Variants in ZNF133 observed in about 807,000 individuals in gnomAD.
The protein encoded by ZNF133 is zinc finger protein 133 (clone pHZ-13).
Under a neutral mutation model 54.9 loss-of-function variants are expected in ZNF133, and 26 were observed. That is an observed-to-expected ratio of 0.47 (90% CI 0.35 to 0.66). ZNF133 has a LOEUF of 0.66. ZNF133 is among the 30% of genes least tolerant of loss of function. The pLI is 0.01. For missense variants in ZNF133, 653 were observed against 820.8 expected, an observed-to-expected ratio of 0.80 and a Z score of 2.50; for synonymous variants, 298 against 320.3, an observed-to-expected ratio of 0.93 and a Z score of 0.74.
At chr20:18,291,263 ATCCTTC>A (rs1413110978) in intron 1 of ZNF133, among the ~76,000 whole-genome samples, 1 of 152,142 alleles carries the variant, frequency 6.6e-6, no homozygotes, top group African/African-American at 2.4e-5. Flanking sequence ...CTGCGTTGCT[ATCCTTC>A]TGTTATGTTT....
rs2047552937 is a variant in ZNF133, at chr20:18,316,554, A to G, written c.1703A>G (p.His568Arg). The change falls in exon 7 of 7, where the codon CAC becomes CGC. Residue 568 changes from histidine to arginine, a missense_variant. By Grantham distance (29) the His-to-Arg change is conservative. Transcript: ENST00000425686. The part of the protein sequence containing the change: ...GFGNKSALIT[H>R]KRAHSEEKPC... ...GGCAATAAGTCAGCTCTAATTACAC[A>G]CAAGCGGGCTCACTCGGAAGAGAAG... 6.2e-7 allele frequency: 1 copy of G among 1,614,032 alleles called. No individual in the cohort carries two copies. The highest frequency in any genetic ancestry group is 1.3e-5 in the African/African-American group (1 of 74,934).
chr20:18,316,145 C>T lies in ZNF133; in HGVS notation c.1294C>T (p.His432Tyr). Residue 432 changes from histidine to tyrosine, a missense_variant, in exon 7 of 7, where the codon CAC becomes TAC. Around this residue, in one of 4 missense-constraint regions of ZNF133, gnomAD observed 292 missense variants for 431.6 expected, o/e 0.68. Transcript: ENST00000425686. ...NSTLISHRRT[H>Y]TGEKPYVCGV... is the part of the protein sequence containing the mutation. The stretch of plus-strand genomic sequence containing the variant: ...AACCCTCATCTCTCACAGGCGGACA[C>T]ACACTGGGGAGAAGCCGTATGTTTG... The T allele has an allele frequency of 6.2e-7, 1 of 1,612,536 alleles. No individual in the cohort carries two copies. Among genetic ancestry groups the T allele is most frequent in the South Asian group, 1.1e-5 (1 of 90,814 alleles).
At position 18,305,611 on chromosome 20, in the gene ZNF133, A is replaced by T; in HGVS notation, c.-6-70A>T. The T allele has an allele frequency of 6.2e-7, 1 of 1,610,818 alleles. No individual in the cohort carries two copies. Among genetic ancestry groups the T allele is most frequent in the Non-Finnish European group, 8.5e-7 (1 of 1,179,010 alleles). On this transcript the variant is annotated intron_variant, in intron 4 of 6. Transcript: ENST00000425686. This position sits in a 1 kb window ranked among gnomAD's most constrained non-coding sequence, Gnocchi z 4.7. Reference sequence around the variant, plus strand: ...CACCTGCCTCCCCCAGGGCAGCCTTATCCCTGCCCCTCACCCTGCCATGGG... The same window carrying T: ...CACCTGCCTCCCCCAGGGCAGCCTTTTCCCTGCCCCTCACCCTGCCATGGG...
In ZNF133 at chr20:18,302,049, A is replaced by G. The variant is rs1053755562; in HGVS notation, c.-177-2959A>G. The stretch of plus-strand genomic sequence containing the variant: ...TCAACAAGCGTTTGAAAAGAATTAT[A>G]CACCATGACCAAGTGGAATTTATTC... On this transcript the variant is annotated intron_variant, in intron 3 of 6. Transcript: ENST00000425686. 5.3e-5 allele frequency among the ~76,000 whole-genome samples: 8 copies of G among 152,226 alleles called. No individual in the cohort carries two copies. The East Asian group carries it at 1.5e-3, about 29-fold the overall frequency.
intron 1 of ZNF133, among the ~76,000 whole-genome samples, chr20:18,295,816 CA>C (rs1303659191): frequency 6.6e-6 from 1 of 151,970 alleles, no homozygotes; most frequent in Non-Finnish European, 1.5e-5. Context: ...GTGTATGCAC[CA>C]AATCTGGCTA....
chr20:18,314,615 T>C (rs17805694), intron 6 of ZNF133: 14,068 of 154,318 alleles, frequency 0.091, 696 homozygotes, highest in Middle Eastern at 0.17. Context: ...CTGTTCACTC[T>C]AAATAACTGC....
chr20:18,310,083 A>G (rs1463821969), intron 6 of ZNF133: 3 of 1,179,380 alleles, frequency 2.5e-6, no homozygotes, highest in African/African-American at 1.6e-5. Context: ...AAACATTTAT[A>G]TTAATAACAA....
rs1168726320 is a variant in ZNF133, at chr20:18,305,438, T to C, written c.-6-243T>C. 6.6e-6 allele frequency among the ~76,000 whole-genome samples: 1 copy of C among 152,206 alleles called. No homozygotes were observed. Among genetic ancestry groups the C allele is most frequent in the African/African-American group, 2.4e-5 (1 of 41,458 alleles). On this transcript the variant is annotated intron_variant, in intron 4 of 6. Coordinates refer to ENST00000425686, the MANE Select transcript of ZNF133 (RefSeq NM_001352452.2). The surrounding 1 kb of genome is among the most constrained non-coding windows in gnomAD (Gnocchi z 4.7). Reference sequence around the variant, plus strand: ...CTGCCTAGATTTAAAGTTCCCAAAATGTAGGGACTCCATTTTGTGCACATA... The same window carrying C: ...CTGCCTAGATTTAAAGTTCCCAAAACGTAGGGACTCCATTTTGTGCACATA...
chr20:18,311,480 T>C (rs1430423212), intron 6 of ZNF133, among the ~76,000 whole-genome samples: 1 of 152,244 alleles, frequency 6.6e-6, no homozygotes, highest in Non-Finnish European at 1.5e-5. Flanking sequence ...ACCAGTATTA[T>C]TGTCAAGTTT....
In ZNF133 at chr20:18,315,431, G is replaced by C. The variant is rs7272354; in HGVS notation, c.580G>C (p.Gly194Arg). Residue 194 changes from glycine to arginine, a missense_variant, in exon 7 of 7, where the codon GGG becomes CGG. By Grantham distance (125) the Gly-to-Arg change is moderately radical. This residue lies in a region of ZNF133 where 227 missense variants were observed against 233.9 expected (regional missense o/e 0.97). Transcript: ENST00000425686. ...VELEASPAQS[G>R]NPEETDKLLK... ...GTTAGAAGCCAGCCCAGCTCAGTCA[G>C]GGAACCCTGAGGAAACAGACAAATT... 1.9e-6 allele frequency: 3 copies of C among 1,614,188 alleles called. No individual in the cohort carries two copies. Among genetic ancestry groups the C allele is most frequent in the South Asian group, 2.2e-5 (2 of 91,078 alleles).
Position 18,316,063 on chromosome 20 carries a change from C to G in ZNF133, c.1212C>G (p.His404Gln). The change falls in exon 7 of 7, where the codon CAC becomes CAG. Residue 404 changes from histidine (H) to glutamine (Q), a missense_variant. His to Gln is a conservative substitution (Grantham distance 24). Coordinates refer to ENST00000425686, the MANE Select transcript of ZNF133 (RefSeq NM_001352452.2). ...CCCTTGTCAACCACCAGAGGACACA[C>G]TCAAAGGAGAAGCCCTATGTGTGCG... ...RTTLVNHQRT[H>Q]SKEKPYVCGV... The G allele has an allele frequency of 6.2e-7, 1 of 1,613,890 alleles. No homozygotes were observed. Among genetic ancestry groups the G allele is most frequent in the Non-Finnish European group, 8.5e-7 (1 of 1,179,910 alleles).
At chr20:18,293,906 A>C (rs939671334) in intron 1 of ZNF133, among the ~76,000 whole-genome samples, 10 of 152,244 alleles carry the variant, frequency 6.6e-5, no homozygotes, top group Admixed American at 2.6e-4. Flanking sequence ...ATTCTAATTA[A>C]TGGATTTAGA....
At chr20:18,311,441 A>G (rs1035103544) in intron 6 of ZNF133, among the ~76,000 whole-genome samples, 9 of 152,246 alleles carry the variant, frequency 5.9e-5, no homozygotes, top group Admixed American at 5.9e-4. Flanking sequence ...GAGGACAGAA[A>G]TACACCAAGT....
Position 18,316,934 on chromosome 20 carries a change from A to G in ZNF133, c.*118A>G. On this transcript the variant is annotated 3_prime_UTR_variant, in exon 7 of 7. Coordinates refer to ENST00000425686, the MANE Select transcript of ZNF133 (RefSeq NM_001352452.2). ...TTTGACTGTTTACTTTCTCCACACT[A>G]AGTCTTCTCCATGTTTTGTGGCCTT... The G allele has an allele frequency of 7.9e-7, 1 of 1,271,746 alleles. No individual in the cohort carries two copies. The highest frequency in any genetic ancestry group is 1.5e-5 in the South Asian group (1 of 65,132). 78.8% of individuals were successfully genotyped at this position (1,271,746 alleles called of 1,614,324 possible).
Position 18,316,781 on chromosome 20 carries a change from G to T in ZNF133, c.1930G>T (p.Ala644Ser). 1 of 1,613,676 alleles carries T rather than the reference G, an allele frequency of 6.2e-7. No homozygotes were observed. The highest frequency in any genetic ancestry group is 8.5e-7 in the Non-Finnish European group (1 of 1,179,786). The change falls in exon 7 of 7, where the codon GCA becomes TCA. Residue 644 changes from alanine to serine, a missense_variant. Coordinates refer to ENST00000425686, the MANE Select transcript of ZNF133 (RefSeq NM_001352452.2). ...AGTGCAGCCCGACCCTGAGCCGTGT[G>T]CAGGGCAACCTTCGGATTCCTTATA... ...LPVQPDPEPC[A>S]GQPSDSLYSL
At chr20:18,291,996 C>T (rs2041151143) in intron 1 of ZNF133, among the ~76,000 whole-genome samples, 1 of 152,200 alleles carries the variant, frequency 6.6e-6, no homozygotes, top group South Asian at 2.1e-4. Flanking sequence ...GGAGCAGAAG[C>T]ATTTCAGCTC....
rs11553398 is a variant in ZNF133 at position 18,316,830 on chromosome 20, G to C, written c.*14G>C. On this transcript the variant is annotated 3_prime_UTR_variant, in exon 7 of 7. Coordinates refer to ENST00000425686, the MANE Select transcript of ZNF133 (RefSeq NM_001352452.2). ...TACTCTCTCTGAAGGCAAAGATGGGGACAAGGACTAAGAGTCAGAATGTTG... is the reference window on the plus strand; with the variant it reads ...TACTCTCTCTGAAGGCAAAGATGGGCACAAGGACTAAGAGTCAGAATGTTG... 5 of 1,590,090 alleles carry C rather than the reference G, an allele frequency of 3.1e-6. No individual in the cohort carries two copies. The highest frequency in any genetic ancestry group is 4.3e-6 in the Non-Finnish European group (5 of 1,167,000).
intron 6 of ZNF133, among the ~76,000 whole-genome samples, chr20:18,312,131 T>C (rs73255819): frequency 0.026 from 3,897 of 152,332 alleles, 164 homozygotes; most frequent in African/African-American, 0.086. Context: ...CCTTGTACAC[T>C]TGGCCTGAAG....
intron 1 of ZNF133, among the ~76,000 whole-genome samples, chr20:18,297,691 A>G (rs925965710): frequency 1.3e-5 from 2 of 152,150 alleles, no homozygotes; most frequent in African/African-American, 4.8e-5. Context: ...CTGGCAGTGT[A>G]GCAAAGTACA....
Sources: allele counts gnomAD v4.1 joint callset (sites outside exome capture counted in the v4.1 genomes callset), GRCh38; gene constraint gnomAD v4.1.1; regional missense constraint gnomAD v4.1.1; non-coding constraint Gnocchi (gnomAD v3.1); transcripts MANE v1.5; gene names NCBI Gene and HGNC (gene_info 2026-07-23, HGNC 2026-07-21).